CCDC77: variants seen among roughly 807,000 people sequenced by gnomAD.
CCDC77 encodes coiled-coil domain containing 77, also known as coiled-coil domain-containing protein 77.
Under a neutral mutation model 66.8 loss-of-function variants are expected in CCDC77, and 56 were observed. That is an observed-to-expected ratio of 0.84 (90% CI 0.68 to 1.05). The LOEUF (loss-of-function observed/expected upper bound fraction) is 1.05. CCDC77 is among the 50% of genes least tolerant of loss of function. The pLI is 0.00. For missense variants in CCDC77, 570 were observed against 576.8 expected, an observed-to-expected ratio of 0.99 and a Z score of 0.12; for synonymous variants, 196 against 195.2, an observed-to-expected ratio of 1.00 and a Z score of -0.03.
At chr12:398,133 A>G (rs573810836), upstream of CCDC77, among the ~76,000 whole-genome samples, 1 of 152,204 alleles carries the variant, frequency 6.6e-6, no homozygotes, top group East Asian at 1.9e-4. Flanking sequence ...TCTTCCTTTC[A>G]TGATATTGAT....
chr12:407,848 C>T (rs1000527940), intron 2 of CCDC77, among the ~76,000 whole-genome samples: 62 of 123,092 alleles, frequency 5.0e-4, no homozygotes, highest in African/African-American at 1.9e-3. Flanking sequence ...AGTGCAATGG[C>T]GCAATCTCGG....
chr12:438,517 T>C lies in CCDC77; in HGVS notation c.1004T>C (p.Met335Thr), dbSNP rs735295. 0.26 allele frequency: 420,151 copies of C among 1,612,198 alleles called. 57,774 individuals carry two copies. Among genetic ancestry groups the C allele is most frequent in the Admixed American group, 0.43 (25,523 of 59,944 alleles). Residue 335 changes from methionine (M) to threonine (T), a missense_variant, in exon 10 of 13, where the codon ATG becomes ACG. Met to Thr is a moderately conservative substitution (Grantham distance 81). Coordinates refer to ENST00000239830, the MANE Select transcript of CCDC77 (RefSeq NM_032358.4). ...AAAATTGGAAAAGTGTTGCCCGTTA[T>C]GCATGAGAGTCACCATGCTCAAAGT... The part of the protein sequence containing the change: ...EDKIGKVLPV[M>T]HESHHAQSEY...
chr12:406,601 G>C (rs1259300805), intron 2 of CCDC77, among the ~76,000 whole-genome samples: 1 of 152,166 alleles, frequency 6.6e-6, no homozygotes, highest in Non-Finnish European at 1.5e-5. Flanking sequence ...TTTGTGTTTT[G>C]ACACATATAT....
At chr12:399,060 A>G (rs1944864286), upstream of CCDC77, among the ~76,000 whole-genome samples, 1 of 152,156 alleles carries the variant, frequency 6.6e-6, no homozygotes, top group African/African-American at 2.4e-5. Flanking sequence ...CCAAGTCACA[A>G]ATGATCTTAA....
chr12:433,272 A>C lies in CCDC77; in HGVS notation c.771A>C (p.Ile257=). 1.2e-6 allele frequency: 2 copies of C among 1,614,118 alleles called. No individual in the cohort carries two copies. The highest frequency in any genetic ancestry group is 1.7e-6 in the Non-Finnish European group (2 of 1,180,018). The change falls in exon 9 of 13, where the codon ATA becomes ATC. Residue 257 remains isoleucine (I), a synonymous_variant. Transcript: ENST00000239830. ...IEDRRIHLEE[I]QVQHQRNQNK... ...ACAGACGGATTCACCTTGAGGAAATACAAGTTCAGCACCAGAGAAATCAGA... is the reference window on the plus strand; with the variant it reads ...ACAGACGGATTCACCTTGAGGAAATCCAAGTTCAGCACCAGAGAAATCAGA...
chr12:415,398 TC>T (rs1426466161), intron 4 of CCDC77, among the ~76,000 whole-genome samples: 5 of 75,884 alleles, frequency 6.6e-5, no homozygotes, highest in African/African-American at 2.2e-4. Context: ...GTTAATATAA[TC>T]AACATAATAT....
At chr12:411,197 T>G (rs1261509794) in intron 3 of CCDC77, among the ~76,000 whole-genome samples, 2 of 151,326 alleles carry the variant, frequency 1.3e-5, no homozygotes, top group African/African-American at 4.9e-5. Context: ...TTTTTTGAGA[T>G]AGAGTCTCGC....
In CCDC77 at chr12:411,874, A is replaced by G. The variant is rs1241531953; in HGVS notation, c.166A>G (p.Lys56Glu). Residue 56 changes from lysine to glutamate, a missense_variant, in exon 4 of 13, where the codon AAG becomes GAG. Coordinates refer to ENST00000239830, the MANE Select transcript of CCDC77 (RefSeq NM_032358.4). ...EDRLAKLHPS[K>E]ELLEYYQKKM... is the part of the protein sequence containing the mutation. ...TCGTCTGGCCAAACTCCATCCTTCT[A>G]AGGAGCTCCTGGAATATTATCAAAA... 1 of 1,613,828 alleles carries G rather than the reference A, an allele frequency of 6.2e-7. No individual in the cohort carries two copies. The highest frequency in any genetic ancestry group is 1.3e-5 in the African/African-American group (1 of 74,988).
chr12:411,418 A>T (rs763726595), intron 3 of CCDC77, among the ~76,000 whole-genome samples: 2 of 151,572 alleles, frequency 1.3e-5, no homozygotes, highest in Non-Finnish European at 2.9e-5. Context: ...GAGCTCAGGC[A>T]ATCTGCCTGC....
At position 431,895 on chromosome 12, in the gene CCDC77, A is replaced by G; in HGVS notation, c.613A>G (p.Arg205Gly). 6.2e-7 allele frequency: 1 copy of G among 1,610,798 alleles called. No homozygotes were observed. Among genetic ancestry groups the G allele is most frequent in the Non-Finnish European group, 8.5e-7 (1 of 1,177,726 alleles). Residue 205 changes from arginine (R) to glycine (G), a missense_variant, in exon 8 of 13, where the codon AGA becomes GGA. Arg to Gly is a moderately radical substitution (Grantham distance 125). Coordinates refer to ENST00000239830, the MANE Select transcript of CCDC77 (RefSeq NM_032358.4). ...DPKISKRRPS[R>G]ERKESSEHYQ... Reference sequence around the variant, plus strand: ...TAAAATAAGCAAAAGAAGACCATCGAGAGAGAGAAAAGAAAGTTCTGAGCA... The same window carrying G: ...TAAAATAAGCAAAAGAAGACCATCGGGAGAGAGAAAAGAAAGTTCTGAGCA...
At chr12:427,012 T>C (rs572239702) in intron 5 of CCDC77, among the ~76,000 whole-genome samples, 47 of 152,104 alleles carry the variant, frequency 3.1e-4, no homozygotes, top group Non-Finnish European at 5.0e-4. Context: ...TTGGGGTGGC[T>C]GAGGCGGGCA....
intron 3 of CCDC77, 181 bp downstream of exon 3, chr12:409,602 G>A (rs1024409588): frequency 3.6e-5 from 22 of 607,026 alleles, no homozygotes; most frequent in Admixed American, 5.7e-5. Flanking sequence ...TTGCAGCCTT[G>A]ACCTCCTGCA....
At chr12:404,558 G>C (rs912413465) in intron 1 of CCDC77, among the ~76,000 whole-genome samples, 2 of 151,724 alleles carry the variant, frequency 1.3e-5, no homozygotes, top group African/African-American at 4.8e-5. Context: ...GTTTGAGTCC[G>C]GGAGTTCAAG....
At chr12:428,388 G>A (rs1945574907) in intron 5 of CCDC77, among the ~76,000 whole-genome samples, 2 of 151,720 alleles carry the variant, frequency 1.3e-5, no homozygotes, top group South Asian at 4.2e-4. Flanking sequence ...GCGGGCGCCT[G>A]TAGTCCCAGG....
intron 1 of CCDC77, among the ~76,000 whole-genome samples, 153 bp downstream of exon 1, chr12:401,837 G>A (rs1326095191): frequency 1.3e-5 from 2 of 152,204 alleles, no homozygotes; most frequent in Non-Finnish European, 2.9e-5. Flanking sequence ...ACCGGAGGAG[G>A]AAAGCTCCAA....
chr12:442,289 C>T lies in CCDC77; in HGVS notation c.*369C>T, dbSNP rs985673316. ...TGGCTGAGTGTCCATGGGAAGAATA[C>T]TTTCCCTAAAGAGAGAGAAGCACTC... On this transcript the variant is annotated 3_prime_UTR_variant, in exon 13 of 13. Coordinates refer to ENST00000239830, the MANE Select transcript of CCDC77 (RefSeq NM_032358.4). 5.9e-6 allele frequency: 1 copy of T among 168,590 alleles called. No homozygotes were observed. Among genetic ancestry groups the T allele is most frequent in the Admixed American group, 5.9e-5 (1 of 16,932 alleles). The allele number at this position is 168,590 out of a possible 1,614,324, so 10.4% of individuals were successfully genotyped here.
intron 4 of CCDC77, among the ~76,000 whole-genome samples, chr12:413,505 C>G (rs1432231852): frequency 6.6e-6 from 1 of 152,122 alleles, no homozygotes; most frequent in African/African-American, 2.4e-5. Flanking sequence ...TCCTAAAGTG[C>G]TGGGATTTCA....
chr12:396,375 G>A (rs1221915490), intron 1 of CCDC77, among the ~76,000 whole-genome samples: 1 of 152,176 alleles, frequency 6.6e-6, no homozygotes. Context: ...CTGCGGGACA[G>A]AGCAAGACTC....
intron 3 of CCDC77, 95 bp downstream of exon 3, chr12:409,516 T>G: frequency 8.2e-7 from 1 of 1,217,080 alleles, no homozygotes; most frequent in South Asian, 1.3e-5. Context: ...GAAACATATT[T>G]CCTAAAGTTT....
Sources: gnomAD v4.1 joint callset for allele counts (sites outside exome capture counted in the v4.1 genomes callset) on GRCh38, gnomAD v4.1.1 for gene constraint, MANE v1.5 for transcripts, NCBI Gene and HGNC (gene_info 2026-07-23, HGNC 2026-07-21) for gene names.